Variants in PAK1 observed in about 807,000 individuals in gnomAD.
PAK1 encodes p21 (RAC1) activated kinase 1.
PAK1 carries 29 observed loss-of-function variants against 67.4 expected under a neutral mutation model. The observed-to-expected ratio is 0.43, with a 90% CI of 0.32 to 0.59. The LOEUF is 0.59. PAK1 is among the 20% of genes least tolerant of loss of function. The pLI, the probability that PAK1 is intolerant of heterozygous loss-of-function variation, is 0.07. For missense variants in PAK1, 337 were observed against 670.7 expected, an observed-to-expected ratio of 0.50 and a Z score of 5.50; for synonymous variants, 223 against 237.4, an observed-to-expected ratio of 0.94 and a Z score of 0.56.
intron 1 of PAK1, among the ~76,000 whole-genome samples, chr11:77,402,313 T>G (rs926559740): frequency 2.0e-5 from 3 of 152,120 alleles, no homozygotes; most frequent in Non-Finnish European, 4.4e-5. Flanking sequence ...GAAGTTCTCT[T>G]AGGCTGGCTC....
intron 1 of PAK1, among the ~76,000 whole-genome samples, chr11:77,395,837 T>G (rs1288420603): frequency 6.6e-6 from 1 of 152,228 alleles, no homozygotes; most frequent in Non-Finnish European, 1.5e-5. Flanking sequence ...TTTATCCATT[T>G]CTTCCAGTTT....
chr11:77,421,681 C>T (rs1370009124), intron 1 of PAK1, among the ~76,000 whole-genome samples: 3 of 152,118 alleles, frequency 2.0e-5, no homozygotes, highest in Admixed American at 6.6e-5. Context: ...TACAGAGAAT[C>T]CTGAAGGCTA....
Position 77,407,231 on chromosome 11 carries a change from A to G in PAK1, c.-21-14690T>C, listed in dbSNP as rs193296145. Among the ~76,000 whole-genome samples, 8 of 152,310 alleles carry G rather than the reference A, an allele frequency of 5.3e-5. No homozygotes were observed. The East Asian group carries it at 1.5e-3, about 29-fold the overall frequency. Reference sequence around the variant, plus strand: ...CCCCTTTTTGTGTTACATCATAAGAAGTCACTAAAAGTATCTTTTATAATT... The same window carrying G: ...CCCCTTTTTGTGTTACATCATAAGAGGTCACTAAAAGTATCTTTTATAATT... On this transcript the variant is annotated intron_variant, in intron 1 of 14. Transcript: ENST00000356341.
At chr11:77,361,786 T>G (rs1043807804) in intron 5 of PAK1, among the ~76,000 whole-genome samples, 1 of 152,070 alleles carries the variant, frequency 6.6e-6, no homozygotes, top group African/African-American at 2.4e-5. Context: ...TTAGAAAGAG[T>G]ACCAAATTTA....
At chr11:77,504,597 G>A in the PAK1 span, among the ~76,000 whole-genome samples, 1 of 152,194 alleles carries the variant, frequency 6.6e-6, no homozygotes, top group South Asian at 2.1e-4. Flanking sequence ...TTTTCATACT[G>A]CATATACTTG....
At chr11:77,528,771 T>G in the PAK1 span, among the ~76,000 whole-genome samples, 1 of 152,374 alleles carries the variant, frequency 6.6e-6, no homozygotes, top group African/African-American at 2.4e-5. Context: ...ATTTGATGTT[T>G]TATATCCTTA....
intron 4 of PAK1, 75 bp downstream of exon 4, chr11:77,379,166 T>C (rs562939): frequency 0.67 from 820,374 of 1,228,878 alleles, 277,312 homozygotes; most frequent in African/African-American, 0.85. Context: ...CATCCCAGAC[T>C]AATAGGCATG....
rs73501423 is a variant in PAK1 at position 77,343,704 on chromosome 11, G to A, written c.998+115C>T. The A allele has an allele frequency of 9.2e-3, 6,460 of 701,608 alleles. 278 individuals are homozygous for A. In the African/African-American group the frequency reaches 0.097, roughly 11 times the overall value. The allele number at this position is 701,608 out of a possible 1,614,324, so 43.5% of individuals were successfully genotyped here. On this transcript the variant is annotated intron_variant, in intron 10 of 14. Transcript: ENST00000356341. ...CACATACAGAGAGCTCAGCATCACA[G>A]AAGACTCATAAATGGAGGCAGTTCT... is the stretch of plus-strand genomic sequence containing the variant.
At chr11:77,437,395 G>A (rs1956173327) in intron 1 of PAK1, among the ~76,000 whole-genome samples, 1 of 152,166 alleles carries the variant, frequency 6.6e-6, no homozygotes, top group Admixed American at 6.5e-5. Context: ...CGATTATTAT[G>A]AGGATTAAAT....
chr11:77,497,546 G>T, the PAK1 span, among the ~76,000 whole-genome samples: 2 of 152,198 alleles, frequency 1.3e-5, no homozygotes, highest in African/African-American at 2.4e-5. Context: ...AAGGGGCACA[G>T]CCTGGCTTAG....
chr11:77,488,377 C>A, the PAK1 span, among the ~76,000 whole-genome samples: 11 of 152,230 alleles, frequency 7.2e-5, no homozygotes, highest in African/African-American at 1.9e-4. Flanking sequence ...TCTTCAATGC[C>A]CAGACACCAA....
At chr11:77,439,578 C>T (rs1956269037) in intron 1 of PAK1, among the ~76,000 whole-genome samples, 1 of 152,040 alleles carries the variant, frequency 6.6e-6, no homozygotes. Context: ...CAGACAATTA[C>T]AGAAAGAATA....
At chr11:77,469,433 C>A (rs568388142) in intron 1 of PAK1, among the ~76,000 whole-genome samples, 2 of 152,162 alleles carry the variant, frequency 1.3e-5, no homozygotes, top group African/African-American at 4.8e-5. Flanking sequence ...TAACAACTAA[C>A]AAGCAAATTA....
At chr11:77,496,538 T>C in the PAK1 span, among the ~76,000 whole-genome samples, 1 of 151,976 alleles carries the variant, frequency 6.6e-6, no homozygotes, top group African/African-American at 2.4e-5. Flanking sequence ...GGTGGGAGGA[T>C]TGTTTGAGCC....
At chr11:77,394,903 GT>G (rs1951650124) in intron 1 of PAK1, among the ~76,000 whole-genome samples, 1 of 151,502 alleles carries the variant, frequency 6.6e-6, no homozygotes, top group Admixed American at 6.6e-5. Flanking sequence ...AAAAGCTGAT[GT>G]TTTTAGCTTG....
the PAK1 span, among the ~76,000 whole-genome samples, chr11:77,506,098 T>C: frequency 0.018 from 2,675 of 152,274 alleles, 90 homozygotes; most frequent in African/African-American, 0.061. Context: ...AGAGAGGCAA[T>C]GATAACCAAC....
intron 1 of PAK1, among the ~76,000 whole-genome samples, chr11:77,398,808 A>C (rs1374183396): frequency 1.3e-5 from 2 of 152,092 alleles, no homozygotes; most frequent in East Asian, 3.9e-4. Context: ...TTCCAACTAT[A>C]CTGTTCTTGA....
At chr11:77,522,752 C>CA in the PAK1 span, among the ~76,000 whole-genome samples, 1 of 151,894 alleles carries the variant, frequency 6.6e-6, no homozygotes, top group African/African-American at 2.4e-5. Context: ...ATTATTCTAC[C>CA]AAAAAAACAC....
intron 2 of PAK1, among the ~76,000 whole-genome samples, chr11:77,390,978 A>G (rs1951068485): frequency 6.6e-6 from 1 of 152,230 alleles, no homozygotes; most frequent in Admixed American, 6.5e-5. Flanking sequence ...ATATAAAGAC[A>G]CTACAAATGC....
Sources: allele counts gnomAD v4.1 joint callset (sites outside exome capture counted in the v4.1 genomes callset), GRCh38; gene constraint gnomAD v4.1.1; transcripts MANE v1.5; gene names NCBI Gene and HGNC (gene_info 2026-07-23, HGNC 2026-07-21).